NR3C2: variants seen among roughly 807,000 people sequenced by gnomAD.
The protein encoded by NR3C2 is nuclear receptor subfamily 3 group C member 2, also known as mineralocorticoid receptor.
Under a neutral mutation model 86.4 loss-of-function variants are expected in NR3C2, and 15 were observed. That is an observed-to-expected ratio of 0.17 (90% CI 0.12 to 0.27). The LOEUF is 0.27. Among genes scored for constraint, NR3C2 ranks in the 10% least tolerant of loss-of-function variants. The pLI is 1.00. For synonymous variants in NR3C2, 458 were observed against 450.5 expected (o/e 1.02, Z -0.21); for missense variants, 960 against 1,195.6 (o/e 0.80, Z 2.91).
intron 2 of NR3C2, among the ~76,000 whole-genome samples, chr4:148,301,448 T>C (rs545713192): frequency 5.4e-4 from 82 of 152,340 alleles, no homozygotes; most frequent in African/African-American, 1.9e-3. Flanking sequence ...AAGCTCAAAG[T>C]TTAAACAAGT....
At chr4:148,127,615 G>A (rs1291815589) in intron 6 of NR3C2, among the ~76,000 whole-genome samples, 1 of 152,180 alleles carries the variant, frequency 6.6e-6, no homozygotes, top group Non-Finnish European at 1.5e-5. Flanking sequence ...CTTAAGAACC[G>A]TGAGTACTAA....
chr4:148,411,899 C>T (rs868690995), intron 2 of NR3C2, among the ~76,000 whole-genome samples: 66 of 152,314 alleles, frequency 4.3e-4, no homozygotes, highest in African/African-American at 1.3e-3. Flanking sequence ...CCACATTCTT[C>T]CCAAGTAAAG....
In NR3C2 at chr4:148,081,234, G is replaced by T; in HGVS notation, c.*110C>A. The stretch of plus-strand genomic sequence containing the variant: ...ATGACTTTAAACTTGAGAAACTGTT[G>T]AACAAGTGTGAATCAACCATCACAT... On this transcript the variant is annotated 3_prime_UTR_variant, in exon 9 of 9. Transcript: ENST00000358102. 7.1e-7 allele frequency: 1 copy of T among 1,408,482 alleles called. No individual in the cohort carries two copies. Among genetic ancestry groups the T allele is most frequent in the South Asian group, 1.2e-5 (1 of 83,264 alleles). 87.2% of individuals were successfully genotyped at this position (1,408,482 alleles called of 1,614,324 possible). A position where few individuals can be genotyped will look rare whatever the true frequency, so the allele number is the denominator to read the frequency against.
At chr4:148,232,901 C>T (rs1443899195) in intron 3 of NR3C2, among the ~76,000 whole-genome samples, 1 of 152,204 alleles carries the variant, frequency 6.6e-6, no homozygotes, top group Non-Finnish European at 1.5e-5. Flanking sequence ...CCAACCTCTG[C>T]AAGCTTCAAA....
In NR3C2 at chr4:148,435,431, A is replaced by T; in HGVS notation, c.1430T>A (p.Val477Glu). The T allele has an allele frequency of 6.2e-7, 1 of 1,614,210 alleles. No homozygotes were observed. Among genetic ancestry groups the T allele is most frequent in the Non-Finnish European group, 8.5e-7 (1 of 1,180,032 alleles). The change falls in exon 2 of 9, where the codon GTG becomes GAG. Residue 477 changes from valine (V) to glutamate (E), a missense_variant. Coordinates refer to ENST00000358102, the MANE Select transcript of NR3C2 (RefSeq NM_000901.5). ...TTCACAGTTACCATCAAAGCCGGGC[A>T]CAGGTGGTCCTAAAATTCCTGATAG... is the stretch of plus-strand genomic sequence containing the variant. ...YSLSGILGPPVPGFDGNCEGS... is the reference protein window; with the variant it reads ...YSLSGILGPPEPGFDGNCEGS...
At chr4:148,268,232 C>T (rs1946524) in intron 2 of NR3C2, among the ~76,000 whole-genome samples, 2 of 152,174 alleles carry the variant, frequency 1.3e-5, no homozygotes, top group Non-Finnish European at 2.9e-5. Flanking sequence ...AGCCACTGTG[C>T]CTGGCCTTGA....
At position 148,225,858 on chromosome 4, in the gene NR3C2, G is replaced by A. The variant is rs568871759; in HGVS notation, c.1898-30996C>T. Among the ~76,000 whole-genome samples the A allele has an allele frequency of 1.8e-3, 268 of 152,124 alleles. 1 individual carries two copies. Among genetic ancestry groups the A allele is most frequent in the Non-Finnish European group, 3.1e-3 (211 of 67,994 alleles). ...ACTCTTACTCAAACATCTGGCACTC[G>A]ACTGTATCACTCACTGGGTCATTTT... is the stretch of plus-strand genomic sequence containing the variant. On this transcript the variant is annotated intron_variant, in intron 3 of 8. Transcript: ENST00000358102.
At chr4:148,238,783 G>A (rs1358444023) in intron 3 of NR3C2, among the ~76,000 whole-genome samples, 5 of 152,106 alleles carry the variant, frequency 3.3e-5, no homozygotes, top group African/African-American at 9.7e-5. Context: ...GCTTTCAGGG[G>A]TCTGGTAGGA....
At chr4:148,291,625 T>C (rs1459868814) in intron 2 of NR3C2, among the ~76,000 whole-genome samples, 1 of 152,120 alleles carries the variant, frequency 6.6e-6, no homozygotes, top group Non-Finnish European at 1.5e-5. Flanking sequence ...ACTTGTTCAC[T>C]ATACTATAAT....
chr4:148,139,639 T>C (rs1733517159), intron 6 of NR3C2, among the ~76,000 whole-genome samples: 1 of 152,202 alleles, frequency 6.6e-6, no homozygotes, highest in Non-Finnish European at 1.5e-5. Context: ...TTGTCACACC[T>C]GTAGGTATGT....
chr4:148,339,524 A>G (rs1485435850), intron 2 of NR3C2, among the ~76,000 whole-genome samples: 1 of 152,220 alleles, frequency 6.6e-6, no homozygotes, highest in Non-Finnish European at 1.5e-5. Context: ...TAATTATAAA[A>G]CATTAGTAAT....
At chr4:148,327,796 C>T (rs1438838663) in intron 2 of NR3C2, among the ~76,000 whole-genome samples, 2 of 152,180 alleles carry the variant, frequency 1.3e-5, no homozygotes, top group East Asian at 1.9e-4. Context: ...CAGACTTAAC[C>T]TGCTTGGCTT....
chr4:148,297,452 A>G (rs1045878615), intron 2 of NR3C2, among the ~76,000 whole-genome samples: 2 of 152,008 alleles, frequency 1.3e-5, no homozygotes, highest in African/African-American at 4.8e-5. Context: ...CTTTTAAACT[A>G]CACCTATATA....
upstream of NR3C2, chr4:148,444,110 C>A (rs1265951795): frequency 8.1e-6 from 8 of 985,426 alleles, no homozygotes; most frequent in Non-Finnish European, 8.4e-6. Context: ...CTCACGTCGG[C>A]AGAGCGCGGG....
intron 3 of NR3C2, among the ~76,000 whole-genome samples, chr4:148,223,455 C>T (rs1453627393): frequency 1.3e-5 from 2 of 152,146 alleles, no homozygotes; most frequent in South Asian, 2.1e-4. Context: ...GTCTTTCCCA[C>T]GGTGCCTGGC....
At chr4:148,155,675 G>A (rs1400235242) in intron 4 of NR3C2, among the ~76,000 whole-genome samples, 3 of 150,958 alleles carry the variant, frequency 2.0e-5, no homozygotes, top group African/African-American at 7.3e-5. Flanking sequence ...TCGTGAAAAT[G>A]GCCATATTGC....
chr4:148,082,154 A>C (rs1453434975), intron 8 of NR3C2, among the ~76,000 whole-genome samples: 1 of 152,202 alleles, frequency 6.6e-6, no homozygotes, highest in East Asian at 1.9e-4. Flanking sequence ...GAAATACATC[A>C]AGGACAAGTT....
intron 2 of NR3C2, among the ~76,000 whole-genome samples, chr4:148,368,852 A>G (rs1300058948): frequency 2.0e-5 from 3 of 152,156 alleles, no homozygotes; most frequent in African/African-American, 7.2e-5. Flanking sequence ...GTCCAGCATG[A>G]TTTCCCAAAA....
intron 6 of NR3C2, among the ~76,000 whole-genome samples, chr4:148,137,963 A>G (rs1157145149): frequency 6.6e-6 from 1 of 152,204 alleles, no homozygotes; most frequent in Admixed American, 6.5e-5. Context: ...TGATGGCTTT[A>G]TGTTTCTTTT....
Sources: allele counts gnomAD v4.1 joint callset (sites outside exome capture counted in the v4.1 genomes callset), GRCh38; gene constraint gnomAD v4.1.1; transcripts MANE v1.5; gene names NCBI Gene and HGNC (gene_info 2026-07-23, HGNC 2026-07-21).